The following SLC35F4 variants were observed in gnomAD, a reference collection of about 807,000 sequenced individuals.
SLC35F4 encodes chromosome 14 open reading frame 36.
SLC35F4 carries 24 observed loss-of-function variants against 44.2 expected under a neutral mutation model. The observed-to-expected ratio is 0.54, with a 90% CI of 0.39 to 0.76. The LOEUF is 0.76. Ranked by LOEUF, SLC35F4 falls within the 30% of genes least tolerant of loss-of-function variation. The pLI, the probability that SLC35F4 is intolerant of heterozygous loss-of-function variation, is 0.00. For missense variants in SLC35F4, 562 were observed against 586.1 expected, an observed-to-expected ratio of 0.96 and a Z score of 0.42; for synonymous variants, 238 against 223.6, an observed-to-expected ratio of 1.06 and a Z score of -0.57.
In SLC35F4 at chr14:57,871,936, G is replaced by A. The variant is rs145408450; in HGVS notation, n.282+109977C>T. Among the ~76,000 whole-genome samples, 156 of 152,010 alleles carry A rather than the reference G, an allele frequency of 1.0e-3. 1 individual carries two copies. In the Middle Eastern group the frequency reaches 0.024, roughly 23 times the overall value. Reference sequence around the variant, plus strand: ...TTAATTTTCAAGTTCTATTCTCTTCGTCCTTTGTTTTCCAAAGACATACTA... The same window carrying A: ...TTAATTTTCAAGTTCTATTCTCTTCATCCTTTGTTTTCCAAAGACATACTA... On this transcript the variant is annotated intron_variant and non_coding_transcript_variant, in intron 1 of 1. Transcript: ENST00000556568.
At chr14:57,744,744 T>C (rs1014932940) in intron 1 of SLC35F4, among the ~76,000 whole-genome samples, 1 of 152,132 alleles carries the variant, frequency 6.6e-6, no homozygotes, top group African/African-American at 2.4e-5. Flanking sequence ...AAAACTACTT[T>C]AAAGTTCATA....
At chr14:57,668,473 T>C (rs2074397200) in intron 1 of SLC35F4, among the ~76,000 whole-genome samples, 2 of 152,198 alleles carry the variant, frequency 1.3e-5, no homozygotes, top group South Asian at 4.1e-4. Context: ...GGTCTAACAT[T>C]TAAGTCTTTA....
chr14:57,920,359 G>A (rs1010125716), intron 1 of SLC35F4, among the ~76,000 whole-genome samples: 2 of 152,156 alleles, frequency 1.3e-5, no homozygotes, highest in South Asian at 4.1e-4. Flanking sequence ...AGGATCACTT[G>A]AGCCCAGGAG....
chr14:57,750,224 CTTTTT>C (rs1348932663), intron 1 of SLC35F4, among the ~76,000 whole-genome samples: 1 of 151,856 alleles, frequency 6.6e-6, no homozygotes, highest in Non-Finnish European at 1.5e-5. Flanking sequence ...GGATTTCATT[CTTTTT>C]TTTAGTCTGA....
chr14:57,769,555 C>T (rs1386844136), intron 1 of SLC35F4, among the ~76,000 whole-genome samples: 1 of 152,112 alleles, frequency 6.6e-6, no homozygotes, highest in East Asian at 1.9e-4. Flanking sequence ...TGAATGGAAA[C>T]CTGCCTTTCT....
intron 1 of SLC35F4, among the ~76,000 whole-genome samples, chr14:57,812,122 G>A (rs1460340252): frequency 6.6e-6 from 1 of 152,196 alleles, no homozygotes; most frequent in Non-Finnish European, 1.5e-5. Context: ...AATCAGTGAT[G>A]TGTATTCCCT....
rs1188974835 is a variant in SLC35F4, at chr14:57,969,393, T to C, written n.282+12520A>G. Among the ~76,000 whole-genome samples, 3 of 152,232 alleles carry C rather than the reference T, an allele frequency of 2.0e-5. No homozygotes were observed. In the South Asian group the frequency reaches 6.2e-4, roughly 31 times the overall value. On this transcript the variant is annotated intron_variant and non_coding_transcript_variant, in intron 1 of 1. Transcript: ENST00000556568. ...TGAACAACTTCAATGACAATCTCAT[T>C]GTCTTATCCTTTAATTGAACATTTT...
At chr14:57,698,574 T>A (rs2075447002) in intron 1 of SLC35F4, among the ~76,000 whole-genome samples, 1 of 152,038 alleles carries the variant, frequency 6.6e-6, no homozygotes, top group Non-Finnish European at 1.5e-5. Context: ...CACAAATTAA[T>A]AGGTTAAGTT....
At chr14:57,904,719 A>C (rs1889074829) in intron 1 of SLC35F4, among the ~76,000 whole-genome samples, 1 of 152,114 alleles carries the variant, frequency 6.6e-6, no homozygotes, top group African/African-American at 2.4e-5. Flanking sequence ...ATTCTCTCCC[A>C]TTTTAAAGAT....
chr14:57,684,077 C>A (rs554393414), intron 1 of SLC35F4, among the ~76,000 whole-genome samples: 1 of 152,094 alleles, frequency 6.6e-6, no homozygotes, highest in South Asian at 2.1e-4. Flanking sequence ...GGCACTCATG[C>A]CTCTCTATAA....
Position 57,951,336 on chromosome 14 carries a change from G to A in SLC35F4, n.282+30577C>T, listed in dbSNP as rs140162506. 6.6e-3 allele frequency among the ~76,000 whole-genome samples: 1,009 copies of A among 152,264 alleles called. 12 individuals are homozygous for A. Among genetic ancestry groups the A allele is most frequent in the African/African-American group, 0.023 (948 of 41,558 alleles). On this transcript the variant is annotated intron_variant and non_coding_transcript_variant, in intron 1 of 1. Transcript: ENST00000556568. ...GGTGCCTACACCACCAGGGCCCTAC[G>A]TTTCAAGCACAAAACTGGGTGGCTG...
At chr14:57,713,871 A>G (rs1289976317) in intron 1 of SLC35F4, among the ~76,000 whole-genome samples, 1 of 152,194 alleles carries the variant, frequency 6.6e-6, no homozygotes, top group African/African-American at 2.4e-5. Context: ...ATGTTGTCCA[A>G]TCTTCCATCG....
At chr14:57,759,607 C>A (rs1001316592) in intron 1 of SLC35F4, among the ~76,000 whole-genome samples, 1 of 152,108 alleles carries the variant, frequency 6.6e-6, no homozygotes, top group Non-Finnish European at 1.5e-5. Flanking sequence ...GAACTGTATA[C>A]TCTTTTACAT....
intron 1 of SLC35F4, among the ~76,000 whole-genome samples, chr14:57,856,234 T>C (rs1260349733): frequency 1.3e-5 from 2 of 151,946 alleles, no homozygotes; most frequent in East Asian, 1.9e-4. Context: ...AATGGGTTGA[T>C]GGGTGCAGCA....
chr14:57,726,517 T>G (rs1414740788), intron 1 of SLC35F4, among the ~76,000 whole-genome samples: 2 of 152,268 alleles, frequency 1.3e-5, no homozygotes, highest in African/African-American at 4.8e-5. Flanking sequence ...TTTTCCTTTA[T>G]CACATGACGT....
chr14:57,653,584 C>A (rs1389699593), intron 1 of SLC35F4, among the ~76,000 whole-genome samples: 1 of 152,168 alleles, frequency 6.6e-6, no homozygotes, highest in East Asian at 1.9e-4. Flanking sequence ...TCTATCACCA[C>A]CACAAATTTA....
In SLC35F4 at chr14:57,674,092, T is replaced by C. The variant is rs2074608467; in HGVS notation, c.104-79968A>G. ...CAGGGGTACATGTGCAGGTTTATTA[T>C]ACAGGTAAAACTTATGTCATGGGGG... is the stretch of plus-strand genomic sequence containing the variant. On this transcript the variant is annotated intron_variant, in intron 1 of 7. Coordinates refer to ENST00000556826, the MANE Select transcript of SLC35F4 (RefSeq NM_001306087.2). Among the ~76,000 whole-genome samples the C allele has an allele frequency of 1.3e-5, 2 of 152,084 alleles. 1 individual carries two copies. The highest frequency in any genetic ancestry group is 4.1e-4 in the South Asian group (2 of 4,834).
chr14:57,610,666 T>G (rs971076370), intron 1 of SLC35F4, among the ~76,000 whole-genome samples: 1 of 152,186 alleles, frequency 6.6e-6, no homozygotes, highest in African/African-American at 2.4e-5. Flanking sequence ...CTTTATGTGC[T>G]TGTGTCTCCA....
chr14:57,971,999 G>T (rs555010137), downstream of SLC35F4, among the ~76,000 whole-genome samples: 1 of 152,212 alleles, frequency 6.6e-6, no homozygotes, highest in East Asian at 1.9e-4. Context: ...TGAGAGGCTT[G>T]TGTTTAAACT....
Sources: gnomAD v4.1 joint callset for allele counts (sites outside exome capture counted in the v4.1 genomes callset) on GRCh38, gnomAD v4.1.1 for gene constraint, MANE v1.5 for transcripts, NCBI Gene and HGNC (gene_info 2026-07-23, HGNC 2026-07-21) for gene names.